Variants in UACA observed in about 807,000 individuals in gnomAD.
UACA encodes uveal autoantigen with coiled-coil domains and ankyrin repeats.
In UACA, 112 loss-of-function variants were observed where a neutral mutation model predicts 160.5. The ratio of observed to expected loss-of-function variants is 0.70; its 90% CI spans 0.60 to 0.82. The LOEUF is 0.82. Ranked by LOEUF, UACA falls within the 40% of genes least tolerant of loss-of-function variation. The pLI, the probability that UACA is intolerant of heterozygous loss-of-function variation, is 0.00. For missense variants in UACA, 1,574 were observed against 1,614.6 expected, an observed-to-expected ratio of 0.97 and a Z score of 0.43; for synonymous variants, 557 against 568.4, an observed-to-expected ratio of 0.98 and a Z score of 0.29.
rs772299860 is a variant in UACA, at chr15:70,666,863, T to G, written c.3821A>C (p.Glu1274Ala). 1 of 1,614,012 alleles carries G rather than the reference T, an allele frequency of 6.2e-7. No homozygotes were observed. Among genetic ancestry groups the G allele is most frequent in the South Asian group, 1.1e-5 (1 of 91,058 alleles). The change falls in exon 16 of 19, where the codon GAG becomes GCG. Residue 1274 changes from glutamate to alanine, a missense_variant. Transcript: ENST00000322954. ...AATGCTGAAATGCAGTAATTCCTTC[T>G]CATCTTTTGCAGATATTTCCTTCTT... is the stretch of plus-strand genomic sequence containing the variant. ...AKKKEISAKD[E>A]KELLHFSIEQ...
rs537655475 is a variant in UACA at position 70,663,060 on chromosome 15, T to C, written c.4113+1602A>G. Among the ~76,000 whole-genome samples the C allele has an allele frequency of 8.5e-4, 129 of 152,130 alleles. No individual in the cohort carries two copies. In the South Asian group the frequency reaches 0.013, roughly 16 times the overall value. On this transcript the variant is annotated intron_variant, in intron 17 of 18. Coordinates refer to ENST00000322954, the MANE Select transcript of UACA (RefSeq NM_018003.4). ...TTCTGCACAGCAAAAGAAACTACCA[T>C]CAGAGTGAACAGGCAACCTACAGAA...
At chr15:70,752,225 G>A (rs1370141406) in intron 1 of UACA, among the ~76,000 whole-genome samples, 1 of 118,486 alleles carries the variant, frequency 8.4e-6, no homozygotes, top group Non-Finnish European at 1.7e-5. Context: ...GGCAACGAGA[G>A]CAAAACTCCA....
chr15:70,776,960 C>A, the UACA span, among the ~76,000 whole-genome samples: 1 of 152,096 alleles, frequency 6.6e-6, no homozygotes, highest in African/African-American at 2.4e-5. Context: ...GAGCAGGAGT[C>A]TAGATCATGT....
intron 18 of UACA, among the ~76,000 whole-genome samples, chr15:70,658,939 A>G (rs1896579243): frequency 6.6e-6 from 1 of 152,242 alleles, no homozygotes; most frequent in Admixed American, 6.5e-5. Flanking sequence ...ACACAGTAGA[A>G]AATAATTTCA....
At position 70,668,227 on chromosome 15, in the gene UACA, A is replaced by G; in HGVS notation, c.2457T>C (p.Asn819=). 1 of 1,613,188 alleles carries G rather than the reference A, an allele frequency of 6.2e-7. No individual in the cohort carries two copies. Among genetic ancestry groups the G allele is most frequent in the Non-Finnish European group, 8.5e-7 (1 of 1,179,876 alleles). The change falls in exon 16 of 19, where the codon AAT becomes AAC. Residue 819 remains asparagine, a synonymous_variant. Transcript: ENST00000322954. ...ACAGCTGTTTCTTAAGTTCAACAAT[A>G]TTGGATTTCAGAGCTATTATCTCTT... ...HEKEIIALKS[N]IVELKKQLSE...
At position 70,684,931 on chromosome 15, in the gene UACA, C is replaced by T. The variant is rs1411389943; in HGVS notation, c.603-485G>A. On this transcript the variant is annotated intron_variant, in intron 7 of 18. Coordinates refer to ENST00000322954, the MANE Select transcript of UACA (RefSeq NM_018003.4). Reference sequence around the variant, plus strand: ...TATTCCACTTCTTCAATGTCCTACACGTAAATAATCACCACAAAAATTTTC... The same window carrying T: ...TATTCCACTTCTTCAATGTCCTACATGTAAATAATCACCACAAAAATTTTC... 3.3e-5 allele frequency among the ~76,000 whole-genome samples: 5 copies of T among 152,082 alleles called. No homozygotes were observed. The East Asian group carries it at 5.8e-4, about 18-fold the overall frequency.
intron 10 of UACA, among the ~76,000 whole-genome samples, chr15:70,678,915 CTAT>C (rs2140925641): frequency 6.6e-6 from 1 of 152,172 alleles, no homozygotes; most frequent in South Asian, 2.1e-4. Context: ...ATTTTTAATA[CTAT>C]AATTTTCTAA....
intron 1 of UACA, among the ~76,000 whole-genome samples, chr15:70,716,164 C>T (rs1406225453): frequency 6.6e-6 from 1 of 152,164 alleles, no homozygotes; most frequent in Non-Finnish European, 1.5e-5. Flanking sequence ...TGTAGGAGAT[C>T]CTGCTGCTTC....
intron 1 of UACA, among the ~76,000 whole-genome samples, chr15:70,759,648 T>C (rs1891506749): frequency 6.6e-6 from 1 of 152,112 alleles, no homozygotes. Flanking sequence ...AGAGTGAAAC[T>C]CCATCTCGAA....
intron 1 of UACA, among the ~76,000 whole-genome samples, chr15:70,754,651 C>T (rs1022728903): frequency 6.6e-6 from 1 of 152,230 alleles, no homozygotes. Context: ...TACATCAGTT[C>T]ATCTTCTGCA....
intron 13 of UACA, among the ~76,000 whole-genome samples, chr15:70,676,104 C>T (rs1318961641): frequency 6.6e-6 from 1 of 152,102 alleles, no homozygotes; most frequent in Non-Finnish European, 1.5e-5. Flanking sequence ...CAGTGATGCC[C>T]AGTGATGAAT....
the UACA span, among the ~76,000 whole-genome samples, chr15:70,773,382 G>A: frequency 6.6e-6 from 1 of 152,162 alleles, no homozygotes. Context: ...AGAGAAATAG[G>A]GATAGCAGCT....
At chr15:70,717,200 A>T (rs779795163) in intron 1 of UACA, among the ~76,000 whole-genome samples, 2 of 152,228 alleles carry the variant, frequency 1.3e-5, no homozygotes, top group Admixed American at 6.5e-5. Context: ...CAACCTGAGC[A>T]ACAAGAGCAA....
chr15:70,689,109 G>C (rs1164660034), intron 5 of UACA, among the ~76,000 whole-genome samples: 1 of 152,082 alleles, frequency 6.6e-6, no homozygotes, highest in Non-Finnish European at 1.5e-5. Flanking sequence ...TATTCCACTA[G>C]GCTCTCTCCT....
chr15:70,664,726 T>C lies in UACA; in HGVS notation c.4049A>G (p.Lys1350Arg), dbSNP rs1341282473. ...QLTYTSGNPT[K>R]RQSQLIDTLQ... Reference sequence around the variant, plus strand: ...AGTGTCAATCAGCTGGCTCTGCCTCTTGGTGGGGTTCCCACTTGTGTAGGT... The same window carrying C: ...AGTGTCAATCAGCTGGCTCTGCCTCCTGGTGGGGTTCCCACTTGTGTAGGT... Residue 1350 changes from lysine (K) to arginine (R), a missense_variant, in exon 17 of 19, where the codon AAG becomes AGG. Coordinates refer to ENST00000322954, the MANE Select transcript of UACA (RefSeq NM_018003.4). The C allele has an allele frequency of 6.2e-7, 1 of 1,613,746 alleles. No homozygotes were observed. Among genetic ancestry groups the C allele is most frequent in the Non-Finnish European group, 8.5e-7 (1 of 1,179,852 alleles).
intron 1 of UACA, among the ~76,000 whole-genome samples, chr15:70,726,021 A>C (rs1595912130): frequency 6.6e-6 from 1 of 152,112 alleles, no homozygotes; most frequent in African/African-American, 2.4e-5. Context: ...AATAAATAAA[A>C]ATGGGATGAC....
At position 70,666,939 on chromosome 15, in the gene UACA, T is replaced by C. The variant is rs544492679; in HGVS notation, c.3745A>G (p.Asn1249Asp). The part of the protein sequence containing the change: ...QISSLNEKLA[N>D]LNRKYEEVCE... ...ACTTCCTCATACTTTCTATTCAGAT[T>C]GGCCAATTTTTCATTTAAGCTAGAA... The change falls in exon 16 of 19, where the codon AAT (asparagine) becomes GAT (aspartate). Residue 1249 changes from asparagine to aspartate, a missense_variant. Physicochemically the swap from Asn to Asp is conservative, Grantham distance 23 (BLOSUM62 1). Coordinates refer to ENST00000322954, the MANE Select transcript of UACA (RefSeq NM_018003.4). 1 of 1,612,332 alleles carries C rather than the reference T, an allele frequency of 6.2e-7. No individual in the cohort carries two copies. The highest frequency in any genetic ancestry group is 8.5e-7 in the Non-Finnish European group (1 of 1,179,680).
rs117445614 is a variant in UACA at position 70,709,834 on chromosome 15, T to C, written c.79-10174A>G. ...GTCAACAAATCATAGCTAAAATGAT[T>C]AGGTAACTAGTTTTAGCCTAAAGGT... On this transcript the variant is annotated intron_variant, in intron 1 of 18. Transcript: ENST00000322954. 6.4e-4 allele frequency among the ~76,000 whole-genome samples: 98 copies of C among 152,322 alleles called. No individual in the cohort carries two copies. In the East Asian group the frequency reaches 0.018, roughly 28 times the overall value.
At chr15:70,714,767 C>G (rs1898778383) in intron 1 of UACA, among the ~76,000 whole-genome samples, 1 of 152,132 alleles carries the variant, frequency 6.6e-6, no homozygotes, top group Non-Finnish European at 1.5e-5. Flanking sequence ...GTCTGTTGTA[C>G]AAATACCAGA....
Sources: gnomAD v4.1 joint callset for allele counts (sites outside exome capture counted in the v4.1 genomes callset) on GRCh38, gnomAD v4.1.1 for gene constraint, MANE v1.5 for transcripts, NCBI Gene and HGNC (gene_info 2026-07-23, HGNC 2026-07-21) for gene names.